The following LINGO2 variants were observed in gnomAD, a reference collection of about 807,000 sequenced individuals.
LINGO2 encodes leucine rich repeat and Ig domain containing 2, also known as leucine-rich repeat and immunoglobulin-like domain-containing nogo receptor-interacting protein 2.
A neutral mutation model predicts 30.6 loss-of-function variants in LINGO2; 14 were observed. The ratio of observed to expected loss-of-function variants is 0.46; its 90% CI spans 0.30 to 0.72. The LOEUF (loss-of-function observed/expected upper bound fraction) is 0.72. Ranked by LOEUF, LINGO2 falls within the 30% of genes least tolerant of loss-of-function variation. LINGO2 has a pLI of 0.07. For missense variants in LINGO2, 729 were observed against 751.7 expected, an observed-to-expected ratio of 0.97 and a Z score of 0.35; for synonymous variants, 317 against 288.5, an observed-to-expected ratio of 1.10 and a Z score of -1.00.
chr9:28,643,371 C>G (rs189175591), intron 1 of LINGO2, among the ~76,000 whole-genome samples: 1 of 151,730 alleles, frequency 6.6e-6, no homozygotes, highest in Admixed American at 6.6e-5. Flanking sequence ...AATAGAAGAC[C>G]CCAGAAACAA....
the LINGO2 span, among the ~76,000 whole-genome samples, chr9:28,890,111 C>A: frequency 6.6e-6 from 1 of 152,018 alleles, no homozygotes; most frequent in African/African-American, 2.4e-5. Context: ...TTGTAAGAGG[C>A]AGTATGTAAA....
chr9:28,552,888 A>G (rs1822382938), intron 1 of LINGO2, among the ~76,000 whole-genome samples: 1 of 151,452 alleles, frequency 6.6e-6, no homozygotes, highest in Non-Finnish European at 1.5e-5. Flanking sequence ...CCAACATTAA[A>G]AAAAAAAAAA....
At chr9:29,055,936 G>GTATATATATATATATATCTACATATA in the LINGO2 span, among the ~76,000 whole-genome samples, 1 of 121,862 alleles carries the variant, frequency 8.2e-6, no homozygotes. Context: ...GTGTATGTGT[G>GTATATATATATATATATCTACATATA]TGTGTATATA....
chr9:29,181,768 C>T, the LINGO2 span, among the ~76,000 whole-genome samples: 4 of 150,884 alleles, frequency 2.7e-5, no homozygotes, highest in East Asian at 7.7e-4. Flanking sequence ...TACCACACAG[C>T]CCAGACAAAC....
At chr9:28,474,950 C>G (rs1564224051) in intron 2 of LINGO2, among the ~76,000 whole-genome samples, 1 of 151,092 alleles carries the variant, frequency 6.6e-6, no homozygotes, top group African/African-American at 2.4e-5. Flanking sequence ...TATTTTCTGT[C>G]TTCTTTTTAT....
intron 4 of LINGO2, among the ~76,000 whole-genome samples, chr9:28,045,180 CCA>C (rs1176193946): frequency 2.0e-5 from 3 of 151,878 alleles, no homozygotes; most frequent in East Asian, 1.9e-4. Flanking sequence ...CAAAAAAAAC[CCA>C]CACACACACA....
chr9:28,815,990 A>G, the LINGO2 span, among the ~76,000 whole-genome samples: 1 of 152,174 alleles, frequency 6.6e-6, no homozygotes, highest in Non-Finnish European at 1.5e-5. Flanking sequence ...AAGATCAAGG[A>G]GCCCCATCCA....
chr9:28,767,181 G>A, the LINGO2 span, among the ~76,000 whole-genome samples: 2 of 152,096 alleles, frequency 1.3e-5, no homozygotes, highest in Non-Finnish European at 2.9e-5. Context: ...AGCATGATGA[G>A]TATAATTAAT....
the LINGO2 span, among the ~76,000 whole-genome samples, chr9:29,002,566 A>C: frequency 0.041 from 6,255 of 152,096 alleles, 201 homozygotes; most frequent in Admixed American, 0.083. Context: ...AGCTCGTAAC[A>C]CTTTGTTGAA....
chr9:29,041,689 A>G, the LINGO2 span, among the ~76,000 whole-genome samples: 1 of 152,184 alleles, frequency 6.6e-6, no homozygotes, highest in African/African-American at 2.4e-5. Context: ...TCAAACTAAA[A>G]GCTATACATG....
At chr9:27,975,371 C>G (rs1407401832) in intron 5 of LINGO2, among the ~76,000 whole-genome samples, 1 of 151,806 alleles carries the variant, frequency 6.6e-6, no homozygotes, top group East Asian at 1.9e-4. Context: ...TGCTTAACAA[C>G]TGGCTTTCCA....
the LINGO2 span, among the ~76,000 whole-genome samples, chr9:28,764,651 GA>G: frequency 1.3e-5 from 2 of 151,760 alleles, no homozygotes. Context: ...ATACTAGCAA[GA>G]GCAACCAAAG....
the LINGO2 span, among the ~76,000 whole-genome samples, chr9:28,769,043 TTACTAA>T: frequency 6.6e-6 from 1 of 152,096 alleles, no homozygotes; most frequent in African/African-American, 2.4e-5. Context: ...AAGTATAATG[TTACTAA>T]TACTATCACT....
the LINGO2 span, among the ~76,000 whole-genome samples, chr9:28,749,152 G>T: frequency 6.6e-6 from 1 of 151,840 alleles, no homozygotes. Context: ...TCACTCTCTT[G>T]AATGTGACAC....
chr9:28,643,894 T>G (rs1019643042), intron 1 of LINGO2, among the ~76,000 whole-genome samples: 5 of 152,056 alleles, frequency 3.3e-5, no homozygotes, highest in Non-Finnish European at 4.4e-5. Context: ...TAGACATTTC[T>G]CAAAAGAAGA....
At chr9:27,993,826 T>G (rs1037879048) in intron 5 of LINGO2, among the ~76,000 whole-genome samples, 1 of 152,014 alleles carries the variant, frequency 6.6e-6, no homozygotes, top group African/African-American at 2.4e-5. Context: ...ACACAGAACA[T>G]TTTATCCAAC....
At chr9:28,068,319 G>A (rs1256300549) in intron 4 of LINGO2, among the ~76,000 whole-genome samples, 1 of 152,044 alleles carries the variant, frequency 6.6e-6, no homozygotes, top group African/African-American at 2.4e-5. Flanking sequence ...TGTCTTATAG[G>A]GAGCCACCAT....
intron 1 of LINGO2, among the ~76,000 whole-genome samples, chr9:28,537,747 A>G (rs1821498622): frequency 6.6e-6 from 1 of 152,050 alleles, no homozygotes; most frequent in African/African-American, 2.4e-5. Flanking sequence ...TAGCAATTCT[A>G]TAACAATAGA....
At chr9:28,005,844 A>G (rs749452970) in intron 5 of LINGO2, among the ~76,000 whole-genome samples, 10 of 152,114 alleles carry the variant, frequency 6.6e-5, no homozygotes, top group Non-Finnish European at 1.3e-4. Context: ...GCATCCAAAA[A>G]TGCATAGATG....
Sources: allele counts gnomAD v4.1 joint callset (sites outside exome capture counted in the v4.1 genomes callset), GRCh38; gene constraint gnomAD v4.1.1; transcripts MANE v1.5; gene names NCBI Gene and HGNC (gene_info 2026-07-23, HGNC 2026-07-21).